Variants in CNTN5 observed in about 807,000 individuals in gnomAD.
CNTN5 encodes contactin 5.
CNTN5 carries 77 observed loss-of-function variants against 129.1 expected under a neutral mutation model. The observed-to-expected ratio is 0.60, with a 90% CI of 0.50 to 0.72. CNTN5 has a LOEUF of 0.72. Ranked by LOEUF, CNTN5 falls within the 30% of genes least tolerant of loss-of-function variation. The pLI is 0.00. For synonymous variants in CNTN5, 509 were observed against 465.6 expected (o/e 1.09, Z -1.20); for missense variants, 1,478 against 1,328.8 (o/e 1.11, Z -1.75).
chr11:99,199,523 G>T (rs984460737), intron 1 of CNTN5, among the ~76,000 whole-genome samples: 2 of 152,212 alleles, frequency 1.3e-5, no homozygotes, highest in South Asian at 4.1e-4. Context: ...AGCTGGAACA[G>T]AGCTGATACA....
chr11:99,747,159 GA>G (rs1944079958), intron 3 of CNTN5, among the ~76,000 whole-genome samples: 1 of 152,002 alleles, frequency 6.6e-6, no homozygotes, highest in Non-Finnish European at 1.5e-5. Flanking sequence ...TTATTCCTGT[GA>G]TTCTTTTGAT....
chr11:99,973,392 A>G (rs1937704816), intron 8 of CNTN5, among the ~76,000 whole-genome samples: 1 of 152,100 alleles, frequency 6.6e-6, no homozygotes, highest in East Asian at 1.9e-4. Flanking sequence ...GTATTCTCAT[A>G]ATTGAGCTGC....
intron 18 of CNTN5, among the ~76,000 whole-genome samples, chr11:100,291,318 T>C (rs1480396374): frequency 3.3e-5 from 5 of 152,000 alleles, no homozygotes; most frequent in Non-Finnish European, 7.4e-5. Flanking sequence ...CGTATGTTTA[T>C]TGCAGCACTA....
chr11:100,179,735 T>TTC (rs1948079910), intron 13 of CNTN5, among the ~76,000 whole-genome samples: 1 of 152,086 alleles, frequency 6.6e-6, no homozygotes, highest in Non-Finnish European at 1.5e-5. Context: ...CATATTGAAC[T>TTC]AAAAATAATT....
intron 3 of CNTN5, among the ~76,000 whole-genome samples, chr11:99,651,477 T>C (rs183062734): frequency 1.8e-3 from 277 of 152,082 alleles, no homozygotes; most frequent in African/African-American, 6.1e-3. Flanking sequence ...TTAAATGTAA[T>C]ATCATTGAAC....
At chr11:99,814,316 C>G (rs1946516772) in intron 3 of CNTN5, among the ~76,000 whole-genome samples, 1 of 152,074 alleles carries the variant, frequency 6.6e-6, no homozygotes, top group African/African-American at 2.4e-5. Flanking sequence ...CCTCTATTTT[C>G]TTAATAAAAT....
intron 21 of CNTN5, among the ~76,000 whole-genome samples, chr11:100,310,345 A>G (rs1003498678): frequency 6.6e-6 from 1 of 151,790 alleles, no homozygotes; most frequent in African/African-American, 2.4e-5. Flanking sequence ...CTTTTTTTAT[A>G]CCTGCCCTAA....
intron 9 of CNTN5, among the ~76,000 whole-genome samples, chr11:100,041,178 G>C (rs1942358676): frequency 1.3e-5 from 2 of 152,054 alleles, no homozygotes. Flanking sequence ...AGTTAGCATA[G>C]ACTACTGACT....
At chr11:100,161,667 A>G (rs897297015) in intron 13 of CNTN5, among the ~76,000 whole-genome samples, 1 of 151,816 alleles carries the variant, frequency 6.6e-6, no homozygotes, top group Non-Finnish European at 1.5e-5. Flanking sequence ...TACAAAATGA[A>G]TAATACTTAT....
chr11:99,933,505 T>A (rs1950237995), intron 7 of CNTN5, among the ~76,000 whole-genome samples: 1 of 152,148 alleles, frequency 6.6e-6, no homozygotes, highest in African/African-American at 2.4e-5. Flanking sequence ...CCAATCAATT[T>A]TTCCCCCAAT....
intron 3 of CNTN5, among the ~76,000 whole-genome samples, chr11:99,726,841 T>A (rs1943357183): frequency 6.6e-6 from 1 of 152,158 alleles, no homozygotes; most frequent in African/African-American, 2.4e-5. Context: ...ATAGTGCTTT[T>A]CCACCTCATC....
intron 22 of CNTN5, 59 bp downstream of exon 22, chr11:100,340,708 C>A: frequency 6.9e-7 from 1 of 1,440,322 alleles, no homozygotes; most frequent in South Asian, 1.4e-5. Flanking sequence ...TATAACATTT[C>A]TCAAAGCCAC....
In CNTN5 at chr11:99,398,957, C is replaced by A. The variant is rs192011135; in HGVS notation, c.-71+73473C>A. ...TCACCCCACTTAACAAACTCCTGCACATCCTTTCTGTCTCATATACTCTTC... is the reference window on the plus strand; with the variant it reads ...TCACCCCACTTAACAAACTCCTGCAAATCCTTTCTGTCTCATATACTCTTC... On this transcript the variant is annotated intron_variant, in intron 2 of 24. Transcript: ENST00000524871. 2.6e-5 allele frequency among the ~76,000 whole-genome samples: 4 copies of A among 151,742 alleles called. No individual in the cohort carries two copies. The East Asian group carries it at 7.7e-4, about 29-fold the overall frequency.
chr11:99,783,067 C>G (rs1481958716), intron 3 of CNTN5, among the ~76,000 whole-genome samples: 2 of 139,894 alleles, frequency 1.4e-5, no homozygotes, highest in Non-Finnish European at 3.1e-5. Context: ...TTTTCGCAAC[C>G]TACTCATCTG....
intron 13 of CNTN5, among the ~76,000 whole-genome samples, chr11:100,110,119 GGA>G (rs1290776060): frequency 1.3e-5 from 2 of 151,694 alleles, no homozygotes; most frequent in Non-Finnish European, 2.9e-5. Context: ...CCCAGTGGGT[GGA>G]GGTTGCAGTG....
intron 2 of CNTN5, among the ~76,000 whole-genome samples, chr11:99,530,585 A>G (rs1947661825): frequency 6.6e-6 from 1 of 152,196 alleles, no homozygotes; most frequent in Non-Finnish European, 1.5e-5. Context: ...CACAGCTTCC[A>G]TACTGATATG....
chr11:100,052,904 T>A (rs1363833575), intron 9 of CNTN5, among the ~76,000 whole-genome samples: 1 of 151,788 alleles, frequency 6.6e-6, no homozygotes, highest in East Asian at 1.9e-4. Flanking sequence ...CTCAGAAATT[T>A]ACCTGCCTTC....
At chr11:99,156,465 A>C (rs1434923842) in intron 1 of CNTN5, among the ~76,000 whole-genome samples, 3 of 152,068 alleles carry the variant, frequency 2.0e-5, no homozygotes, top group South Asian at 2.1e-4. Flanking sequence ...TGAGAGTATT[A>C]GTTTATAAAT....
intron 8 of CNTN5, among the ~76,000 whole-genome samples, chr11:99,980,569 C>G (rs886459098): frequency 2.6e-5 from 4 of 152,254 alleles, no homozygotes; most frequent in African/African-American, 9.6e-5. Flanking sequence ...GTCCCTTCCA[C>G]TATAAATATT....
Sources: gnomAD v4.1 joint callset for allele counts (sites outside exome capture counted in the v4.1 genomes callset) on GRCh38, gnomAD v4.1.1 for gene constraint, MANE v1.5 for transcripts, NCBI Gene and HGNC (gene_info 2026-07-23, HGNC 2026-07-21) for gene names.